PRR16: variants seen among roughly 807,000 people sequenced by gnomAD.
PRR16 encodes proline rich 16.
A neutral mutation model predicts 18.2 loss-of-function variants in PRR16; 6 were observed. That is an observed-to-expected ratio of 0.33 (90% CI 0.18 to 0.65). PRR16 has a LOEUF of 0.65. Among genes scored for constraint, PRR16 ranks in the 30% least tolerant of loss-of-function variants. The pLI is 0.74. For missense variants in PRR16, 412 were observed against 376.6 expected, an observed-to-expected ratio of 1.09 and a Z score of -0.78; for synonymous variants, 151 against 147.8, an observed-to-expected ratio of 1.02 and a Z score of -0.16.
chr5:120,532,269 A>C (rs1201614723), intron 1 of PRR16, among the ~76,000 whole-genome samples: 1 of 152,084 alleles, frequency 6.6e-6, no homozygotes, highest in Non-Finnish European at 1.5e-5. Flanking sequence ...TTCTGTATTT[A>C]TTACTTATAT....
chr5:120,464,524 G>C lies in PRR16; in HGVS notation c.38G>C (p.Cys13Ser), dbSNP rs1195351977. The change falls in exon 1 of 2, where the codon TGT becomes TCT. Residue 13 changes from cysteine to serine, a missense_variant. By Grantham distance (112) the Cys-to-Ser change is moderately radical. Coordinates refer to ENST00000407149, the MANE Select transcript of PRR16 (RefSeq NM_001300783.2). ...TCCAAGGGGAACCCCTCCTCGTCCTGTCCAGCCGAGGGACCGCCGGCAGCC... is the reference window on the plus strand; with the variant it reads ...TCCAAGGGGAACCCCTCCTCGTCCTCTCCAGCCGAGGGACCGCCGGCAGCC... ...AKSKGNPSSSCPAEGPPAASK... is the reference protein window; with the variant it reads ...AKSKGNPSSSSPAEGPPAASK... The C allele has an allele frequency of 6.3e-7, 1 of 1,591,704 alleles. No individual in the cohort carries two copies. Among genetic ancestry groups the C allele is most frequent in the African/African-American group, 1.3e-5 (1 of 74,832 alleles).
chr5:120,781,254 A>G, the PRR16 span: 1 of 152,102 alleles, frequency 6.6e-6, no homozygotes, highest in East Asian at 1.9e-4. Context: ...GACTAACAAG[A>G]CTAACGAGAT....
intron 1 of PRR16, among the ~76,000 whole-genome samples, chr5:120,489,258 A>G (rs1749932235): frequency 6.6e-6 from 1 of 152,124 alleles, no homozygotes; most frequent in East Asian, 1.9e-4. Context: ...GGGGTGTTAA[A>G]GTCTCCCATT....
intron 1 of PRR16, among the ~76,000 whole-genome samples, chr5:120,567,334 A>G (rs2112728506): frequency 6.6e-6 from 1 of 152,208 alleles, no homozygotes; most frequent in Non-Finnish European, 1.5e-5. Context: ...TTCTTATCTG[A>G]GAGACTGGAC....
At chr5:120,533,338 T>G (rs1751613091) in intron 1 of PRR16, among the ~76,000 whole-genome samples, 1 of 152,226 alleles carries the variant, frequency 6.6e-6, no homozygotes, top group Non-Finnish European at 1.5e-5. Flanking sequence ...AGACAACGAT[T>G]CTAGCTCTGT....
the PRR16 span, among the ~76,000 whole-genome samples, chr5:120,775,199 T>C: frequency 1.3e-5 from 2 of 152,192 alleles, no homozygotes; most frequent in South Asian, 4.1e-4. Context: ...TTACTCTTGA[T>C]ATATTACATA....
At chr5:120,477,795 G>A (rs576007823) in intron 1 of PRR16, among the ~76,000 whole-genome samples, 24 of 152,136 alleles carry the variant, frequency 1.6e-4, no homozygotes, top group Non-Finnish European at 7.4e-5. Flanking sequence ...CCTTACTTCA[G>A]GCTCAGTCAC....
the PRR16 span, among the ~76,000 whole-genome samples, chr5:120,746,219 C>T: frequency 0.011 from 1,696 of 151,920 alleles, 29 homozygotes; most frequent in African/African-American, 0.037. Flanking sequence ...ATGTTATCTC[C>T]GTGGCCCAGG....
At chr5:120,731,162 T>C in the PRR16 span, among the ~76,000 whole-genome samples, 3 of 152,170 alleles carry the variant, frequency 2.0e-5, no homozygotes, top group Admixed American at 2.0e-4. Context: ...GTTCTGTGCA[T>C]GAATCTGATA....
intron 1 of PRR16, among the ~76,000 whole-genome samples, chr5:120,645,643 C>T (rs1755566692): frequency 6.6e-6 from 1 of 151,932 alleles, no homozygotes; most frequent in Non-Finnish European, 1.5e-5. Context: ...TTTGAAGTTG[C>T]TCAATAAGTG....
At chr5:120,628,906 G>A (rs1264066051) in intron 1 of PRR16, among the ~76,000 whole-genome samples, 1 of 151,996 alleles carries the variant, frequency 6.6e-6, no homozygotes, top group Non-Finnish European at 1.5e-5. Context: ...TTTAAGTTCA[G>A]AGGTACATGT....
chr5:120,651,045 T>A (rs1310045844), intron 1 of PRR16, among the ~76,000 whole-genome samples: 1 of 152,196 alleles, frequency 6.6e-6, no homozygotes, highest in African/African-American at 2.4e-5. Flanking sequence ...TGGTATCTCA[T>A]TGTGGTTTTC....
chr5:120,471,108 T>C lies in PRR16; in HGVS notation c.159+6463T>C, dbSNP rs145746970. Among the ~76,000 whole-genome samples the C allele has an allele frequency of 1.4e-3, 218 of 152,310 alleles. 2 individuals carry two copies. The highest frequency in any genetic ancestry group is 5.5e-3 in the Admixed American group (84 of 15,296). On this transcript the variant is annotated intron_variant, in intron 1 of 1. Transcript: ENST00000407149. Reference sequence around the variant, plus strand: ...CATTAAGGCTTGCTGTGTAGTTTATTATCTTCATGGTAACAGTCATTATTT... The same window carrying C: ...CATTAAGGCTTGCTGTGTAGTTTATCATCTTCATGGTAACAGTCATTATTT...
At chr5:120,762,117 T>C in the PRR16 span, among the ~76,000 whole-genome samples, 1 of 152,182 alleles carries the variant, frequency 6.6e-6, no homozygotes, top group African/African-American at 2.4e-5. Flanking sequence ...CATTCGTTGA[T>C]GGACAGTTAG....
At chr5:120,666,973 T>A (rs1756402237) in intron 1 of PRR16, among the ~76,000 whole-genome samples, 1 of 147,890 alleles carries the variant, frequency 6.8e-6, no homozygotes, top group Admixed American at 6.8e-5. Context: ...GCTGGCCTCA[T>A]AAAATGAGTT....
At chr5:120,481,355 T>C (rs535100269) in intron 1 of PRR16, 13 of 362,400 alleles carry the variant, frequency 3.6e-5, no homozygotes, top group African/African-American at 2.2e-4. Flanking sequence ...GGTCTTGAAC[T>C]CTTGAGCTCA....
At chr5:120,694,379 G>T in the PRR16 span, among the ~76,000 whole-genome samples, 4 of 152,116 alleles carry the variant, frequency 2.6e-5, no homozygotes, top group African/African-American at 9.7e-5. Context: ...TTAGAAAGTC[G>T]GCAAATGAGC....
the PRR16 span, among the ~76,000 whole-genome samples, chr5:120,718,696 A>G: frequency 4.6e-5 from 7 of 152,104 alleles, no homozygotes; most frequent in Non-Finnish European, 8.8e-5. Context: ...TCACTCATCC[A>G]TGGATTACAT....
the PRR16 span, among the ~76,000 whole-genome samples, chr5:120,782,459 A>T: frequency 1.3e-5 from 2 of 152,184 alleles, no homozygotes; most frequent in African/African-American, 2.4e-5. Flanking sequence ...GGACAGTGAC[A>T]CGTGACTAGG....
Sources: allele counts gnomAD v4.1 joint callset (sites outside exome capture counted in the v4.1 genomes callset), GRCh38; gene constraint gnomAD v4.1.1; transcripts MANE v1.5; gene names NCBI Gene and HGNC (gene_info 2026-07-23, HGNC 2026-07-21).